CHRD: variants seen among roughly 807,000 people sequenced by gnomAD.
CHRD encodes the protein chordin.
Under a neutral mutation model 113.7 loss-of-function variants are expected in CHRD, and 69 were observed. The ratio of observed to expected loss-of-function variants is 0.61; its 90% CI spans 0.50 to 0.74. The LOEUF (loss-of-function observed/expected upper bound fraction) is 0.74. Ranked by LOEUF, CHRD falls within the 30% of genes least tolerant of loss-of-function variation. The pLI is 0.00. For missense variants in CHRD, 1,194 were observed against 1,295.8 expected (o/e 0.92, Z 1.21); for synonymous variants, 561 against 540.8 (o/e 1.04, Z -0.52).
In CHRD at chr3:184,384,931, T is replaced by C; in HGVS notation, c.1598-87T>C. ...GGACAGTGTCTTCCAGCTCGTGGAATGTGTGCTGGGGAGCTGGGAATGCTG... is the reference window on the plus strand; with the variant it reads ...GGACAGTGTCTTCCAGCTCGTGGAACGTGTGCTGGGGAGCTGGGAATGCTG... On this transcript the variant is annotated intron_variant, in intron 13 of 22. Transcript: ENST00000204604. The surrounding 1 kb of genome is among the most constrained non-coding windows in gnomAD (Gnocchi z 4.4). 1 of 1,383,890 alleles carries C rather than the reference T, an allele frequency of 7.2e-7. No homozygotes were observed. Among genetic ancestry groups the C allele is most frequent in the Non-Finnish European group, 1.0e-6 (1 of 988,222 alleles). 85.7% of individuals were successfully genotyped at this position (1,383,890 alleles called of 1,614,324 possible).
chr3:184,382,753 C>T (rs374822120), exon 8 of CHRD: 1 of 1,613,884 alleles, frequency 6.2e-7, no homozygotes, highest in African/African-American at 1.3e-5. Flanking sequence ...CTTCCGAGGG[C>T]TGCTGGAACC....
rs1577414960 is a variant in CHRD, at chr3:184,388,602, A to C, written c.2570A>C (p.His857Pro). ...CTCTCAACAGTGGGGTCGGGGGCCC[A>C]CCCCCAGCTGGGGGACCCCATGCAG... Residue 857 changes from histidine to proline, a missense_variant, in exon 21 of 23, where the codon CAC becomes CCC. Physicochemically the swap from His to Pro is moderately conservative, Grantham distance 77. Transcript: ENST00000204604. This position sits in a 1 kb window ranked among gnomAD's most constrained non-coding sequence, Gnocchi z 6.1. The C allele has an allele frequency of 6.2e-7, 1 of 1,611,110 alleles. No homozygotes were observed. The highest frequency in any genetic ancestry group is 8.5e-7 in the Non-Finnish European group (1 of 1,179,846).
intron 6 of CHRD, 51 bp downstream of exon 6, chr3:184,382,071 G>A (rs758676600): frequency 6.2e-7 from 1 of 1,605,662 alleles, no homozygotes; most frequent in Non-Finnish European, 8.5e-7. Context: ...ACTGTGCCGA[G>A]AGCATGCTCT....
rs776406653 is a variant in CHRD, at chr3:184,383,174, G to T, written c.1213+11G>T. On this transcript the variant is annotated intron_variant, in intron 10 of 22. Transcript: ENST00000204604. ...GGAAGAGCTGCGACGGTGAGGCGGG[G>T]GGGGGGCCTGGTGCGCCGGGCATGC... 2.0e-5 allele frequency: 24 copies of T among 1,197,050 alleles called. No individual in the cohort carries two copies. Among genetic ancestry groups the T allele is most frequent in the African/African-American group, 9.3e-5 (5 of 53,956 alleles). The allele number at this position is 1,197,050 out of a possible 1,614,324, so 74.2% of individuals were successfully genotyped here.
chr3:184,381,915 C>T lies in CHRD; in HGVS notation c.612-18C>T. 1 of 1,613,938 alleles carries T rather than the reference C, an allele frequency of 6.2e-7. No individual in the cohort carries two copies. Among genetic ancestry groups the T allele is most frequent in the Non-Finnish European group, 8.5e-7 (1 of 1,179,982 alleles). ...TGCTTTTGGCTCAGTCCGGCCTCAC[C>T]CGACCTCTCATTCCCAGGCTGGACC... is the stretch of plus-strand genomic sequence containing the variant. On this transcript the variant is annotated intron_variant, in intron 5 of 22. Coordinates refer to ENST00000204604, the Ensembl canonical transcript of CHRD. The surrounding 1 kb of genome is among the most constrained non-coding windows in gnomAD (Gnocchi z 4.7).
Position 184,381,873 on chromosome 3 carries a change from G to C in CHRD, c.611+58G>C, listed in dbSNP as rs1715497339. ...CTGCCGGGGCCCGGGAGGGAAACTG[G>C]GAGAGCTGGGAGGGGCTGCTTTTGG... is the stretch of plus-strand genomic sequence containing the variant. On this transcript the variant is annotated intron_variant, in intron 5 of 22. Transcript: ENST00000204604. The surrounding 1 kb of genome is among the most constrained non-coding windows in gnomAD (Gnocchi z 4.7). The C allele has an allele frequency of 6.2e-7, 1 of 1,611,422 alleles. No individual in the cohort carries two copies. The highest frequency in any genetic ancestry group is 8.5e-7 in the Non-Finnish European group (1 of 1,178,800).
At chr3:184,385,666 CAAAAAAAAAAA>C (rs533681477) in intron 14 of CHRD, among the ~76,000 whole-genome samples, 11 of 39,360 alleles carry the variant, frequency 2.8e-4, no homozygotes, top group African/African-American at 9.0e-4. Flanking sequence ...AAATCCGTCT[CAAAAAAAAAAA>C]AAAAAAAAAA....
At position 184,388,915 on chromosome 3, in the gene CHRD, G is replaced by A. The variant is rs372347094; in HGVS notation, c.2732G>A (p.Arg911Gln). Residue 911 changes from arginine to glutamine, a missense_variant, in exon 22 of 23, where the codon CGG becomes CAG. By Grantham distance (43) the Arg-to-Gln change is conservative. Transcript: ENST00000204604. This position sits in a 1 kb window ranked among gnomAD's most constrained non-coding sequence, Gnocchi z 6.1. ...CAGGCAGGGGTGCCTCACTGTGAGC[G>A]GGATGACTGTTCACTGCCACTGTCC... The A allele has an allele frequency of 5.0e-6, 8 of 1,613,282 alleles. No individual in the cohort carries two copies. The highest frequency in any genetic ancestry group is 6.8e-6 in the Non-Finnish European group (8 of 1,179,892).
rs531605924 is a variant in CHRD, at chr3:184,387,625, G to A, written c.2451+148G>A. 1.7e-4 allele frequency: 138 copies of A among 788,616 alleles called. No homozygotes were observed. Among genetic ancestry groups the A allele is most frequent in the South Asian group, 1.0e-3 (54 of 53,808 alleles). 48.9% of individuals were successfully genotyped at this position (788,616 alleles called of 1,614,324 possible). On this transcript the variant is annotated intron_variant, in intron 19 of 22. Transcript: ENST00000204604. This position sits in a 1 kb window ranked among gnomAD's most constrained non-coding sequence, Gnocchi z 6.1. ...AAAAGGCCCTTGCGCTCTGAGAGTCGGCTTCCTGTGGGAAAATGAACAGGG... is the reference window on the plus strand; with the variant it reads ...AAAAGGCCCTTGCGCTCTGAGAGTCAGCTTCCTGTGGGAAAATGAACAGGG...
exon 16 of CHRD, chr3:184,386,675 T>C (rs1018741540): frequency 6.2e-7 from 1 of 1,612,294 alleles, no homozygotes; most frequent in Non-Finnish European, 8.5e-7. Context: ...CAACACATGC[T>C]TCTTCGAGGG....
At position 184,383,745 on chromosome 3, in the gene CHRD, G is replaced by A. The variant is rs1715842172; in HGVS notation, c.1440+103G>A. The A allele has an allele frequency of 3.7e-6, 4 of 1,074,388 alleles. No homozygotes were observed. The East Asian group carries it at 1.0e-4, about 27-fold the overall frequency. The allele number at this position is 1,074,388 out of a possible 1,614,324, so 66.6% of individuals were successfully genotyped here. A position where few individuals can be genotyped will look rare whatever the true frequency, so the allele number is the denominator to read the frequency against. On this transcript the variant is annotated intron_variant, in intron 12 of 22. Transcript: ENST00000204604. ...TTCATTATCATCCACTCACTCATGG[G>A]TTCTCCCACTCATTCATTTATTCAT... is the stretch of plus-strand genomic sequence containing the variant.
chr3:184,386,085 C>T (rs773616640), exon 15 of CHRD: 77 of 1,614,112 alleles, frequency 4.8e-5, no homozygotes, highest in Middle Eastern at 1.6e-4. Flanking sequence ...GGAACTGCTG[C>T]GGCACCTGGC....
Position 184,382,546 on chromosome 3 carries a change from C to T in CHRD, c.841+16C>T. On this transcript the variant is annotated intron_variant, in intron 7 of 22. Coordinates refer to ENST00000204604, the Ensembl canonical transcript of CHRD. ...CTGGCTGCAGGTAGGGAGCAAAGAG[C>T]CCCGGGCGTGAAGTTCTGAGTCTTC... is the stretch of plus-strand genomic sequence containing the variant. 3.7e-6 allele frequency: 6 copies of T among 1,613,382 alleles called. No individual in the cohort carries two copies. Among genetic ancestry groups the T allele is most frequent in the Non-Finnish European group, 5.1e-6 (6 of 1,179,814 alleles).
chr3:184,386,090 C>T lies in CHRD; in HGVS notation c.1863C>T (p.His621=), dbSNP rs774782630. ...ACCTGGAGCCGGAACTGCTGCGGCA[C>T]CTGGCAAAAGGCATGGCCTCCCTGA... Residue 621 remains histidine (H), a synonymous_variant, in exon 15 of 23, where the codon CAC becomes CAT. Coordinates refer to ENST00000204604, the Ensembl canonical transcript of CHRD. 3.1e-6 allele frequency: 5 copies of T among 1,614,118 alleles called. No individual in the cohort carries two copies. The African/African-American group carries it at 6.7e-5, about 22-fold the overall frequency.
At position 184,387,244 on chromosome 3, in the gene CHRD, A is replaced by G. The variant is rs1373387533; in HGVS notation, c.2348-130A>G. 3.9e-6 allele frequency: 5 copies of G among 1,274,760 alleles called. No homozygotes were observed. The highest frequency in any genetic ancestry group is 5.6e-6 in the Non-Finnish European group (5 of 898,240). The allele number at this position is 1,274,760 out of a possible 1,614,324, so 79.0% of individuals were successfully genotyped here. ...TTCCAAGTGATGCCTGACAGGACTC[A>G]TTAGTGTTACTGGCCCCCAGGTGGG... On this transcript the variant is annotated intron_variant, in intron 18 of 22. Coordinates refer to ENST00000204604, the Ensembl canonical transcript of CHRD. The surrounding 1 kb of genome is among the most constrained non-coding windows in gnomAD (Gnocchi z 6.1).
chr3:184,380,343 GC>G lies in CHRD; in HGVS notation c.29del (p.Pro10ArgfsTer59). Reference sequence around the variant, plus strand: ...CATGCCGAGCCTCCCGGCCCCGCCGGCCCCGCTGCTGCTCCTCGGGCTGCTG... The same window carrying G: ...CATGCCGAGCCTCCCGGCCCCGCCGGCCCGCTGCTGCTCCTCGGGCTGCTG... On this transcript the variant is annotated frameshift_variant, in exon 1 of 23. Transcript: ENST00000204604. LOFTEE classifies it high-confidence loss of function. This position sits in a 1 kb window ranked among gnomAD's most constrained non-coding sequence, Gnocchi z 6.3. 2 of 1,351,540 alleles carry G rather than the reference GC, an allele frequency of 1.5e-6. No homozygotes were observed. Among genetic ancestry groups the G allele is most frequent in the Admixed American group, 2.7e-5 (1 of 37,524 alleles). 83.7% of individuals were successfully genotyped at this position (1,351,540 alleles called of 1,614,324 possible). A position where few individuals can be genotyped will look rare whatever the true frequency, so the allele number is the denominator to read the frequency against.
rs994820095 is a variant in CHRD, at chr3:184,383,180, G to T, written c.1213+17G>T. ...GCTGCGACGGTGAGGCGGGGGGGGG[G>T]CCTGGTGCGCCGGGCATGCACAACT... On this transcript the variant is annotated intron_variant, in intron 10 of 22. Transcript: ENST00000204604. 1.2e-5 allele frequency: 19 copies of T among 1,591,238 alleles called. No homozygotes were observed. The highest frequency in any genetic ancestry group is 1.6e-5 in the Non-Finnish European group (19 of 1,168,750).
Position 184,380,569 on chromosome 3 carries a change from C to T in CHRD, c.148+103C>T, listed in dbSNP as rs1272346356. ...GGCGCAGGTGGCTCGGCGCGGCGGG[C>T]GGCCCGGAGGGTGGGCGGGGGCAGA... On this transcript the variant is annotated intron_variant, in intron 1 of 22. Coordinates refer to ENST00000204604, the Ensembl canonical transcript of CHRD. This position sits in a 1 kb window ranked among gnomAD's most constrained non-coding sequence, Gnocchi z 6.3. 1.9e-5 allele frequency: 20 copies of T among 1,028,876 alleles called. No homozygotes were observed. Among genetic ancestry groups the T allele is most frequent in the Non-Finnish European group, 2.4e-5 (20 of 826,418 alleles). 63.7% of individuals were successfully genotyped at this position (1,028,876 alleles called of 1,614,324 possible).
rs778931730 is a variant in CHRD at position 184,382,927 on chromosome 3, G to A, written c.1054G>A (p.Val352Ile). Reference sequence around the variant, plus strand: ...GCTACTGCGAGAACTTCAGGCCAATGTCTCAGCCCAGGTGAGTGGGGATCT... The same window carrying A: ...GCTACTGCGAGAACTTCAGGCCAATATCTCAGCCCAGGTGAGTGGGGATCT... The change falls in exon 9 of 23, where the codon GTC becomes ATC. Residue 352 changes from valine (V) to isoleucine (I), a missense_variant. Coordinates refer to ENST00000204604, the Ensembl canonical transcript of CHRD. 4 of 1,614,054 alleles carry A rather than the reference G, an allele frequency of 2.5e-6. No homozygotes were observed. In the East Asian group the frequency reaches 8.9e-5, roughly 36 times the overall value.
Sources: allele counts gnomAD v4.1 joint callset (sites outside exome capture counted in the v4.1 genomes callset), GRCh38; gene constraint gnomAD v4.1.1; non-coding constraint Gnocchi (gnomAD v3.1); transcripts MANE v1.5; gene names NCBI Gene and HGNC (gene_info 2026-07-23, HGNC 2026-07-21).